Variants in PTPRG observed in about 807,000 individuals in gnomAD.
The protein encoded by PTPRG is protein tyrosine phosphatase receptor type G.
In PTPRG, 102 loss-of-function variants were observed where a neutral mutation model predicts 165.3. The observed-to-expected ratio is 0.62, with a 90% CI of 0.53 to 0.73. The LOEUF (loss-of-function observed/expected upper bound fraction) is 0.73. Among genes scored for constraint, PTPRG ranks in the 30% least tolerant of loss-of-function variants. PTPRG has a pLI of 0.00. For missense variants in PTPRG, 1,866 were observed against 1,861.4 expected (o/e 1.00, Z -0.05); for synonymous variants, 675 against 669.5 (o/e 1.01, Z -0.13).
intron 2 of PTPRG, among the ~76,000 whole-genome samples, chr3:61,767,121 G>T (rs2034046061): frequency 6.6e-6 from 1 of 151,500 alleles, no homozygotes; most frequent in African/African-American, 2.4e-5. Flanking sequence ...GTGCACGCCT[G>T]TAGTCCCAGC....
chr3:61,591,977 A>ATT (rs1344585519), intron 1 of PTPRG, among the ~76,000 whole-genome samples: 3 of 145,566 alleles, frequency 2.1e-5, no homozygotes, highest in African/African-American at 5.0e-5. Context: ...TGGAGTGCTA[A>ATT]TTTTTTTTTT....
chr3:61,696,283 C>A (rs530238573), intron 1 of PTPRG, among the ~76,000 whole-genome samples: 1 of 152,148 alleles, frequency 6.6e-6, no homozygotes, highest in African/African-American at 2.4e-5. Flanking sequence ...GCGTGGTTCG[C>A]CTGAGGCCAG....
intron 1 of PTPRG, among the ~76,000 whole-genome samples, chr3:61,747,888 T>C (rs2033273316): frequency 6.6e-6 from 1 of 152,164 alleles, no homozygotes; most frequent in South Asian, 2.1e-4. Context: ...GTAATTCCGT[T>C]TCATTTTGGA....
intron 1 of PTPRG, among the ~76,000 whole-genome samples, chr3:61,611,886 A>C (rs922369565): frequency 6.6e-6 from 1 of 152,248 alleles, no homozygotes; most frequent in Non-Finnish European, 1.5e-5. Context: ...CCTTCTTTAC[A>C]TGAGGACTAT....
chr3:62,185,867 T>G (rs1705859990), intron 8 of PTPRG, among the ~76,000 whole-genome samples: 1 of 152,198 alleles, frequency 6.6e-6, no homozygotes, highest in Non-Finnish European at 1.5e-5. Flanking sequence ...GTCATCCATT[T>G]TACAGATGCG....
At chr3:61,582,256 A>G (rs1700314801) in intron 1 of PTPRG, among the ~76,000 whole-genome samples, 2 of 152,186 alleles carry the variant, frequency 1.3e-5, no homozygotes, top group African/African-American at 2.4e-5. Flanking sequence ...GGTGTGAGCC[A>G]CTGCACCTGG....
chr3:62,027,968 ATT>A (rs1349306516), intron 4 of PTPRG, among the ~76,000 whole-genome samples: 5 of 152,154 alleles, frequency 3.3e-5, no homozygotes, highest in African/African-American at 1.2e-4. Flanking sequence ...GCAACTCGTG[ATT>A]ATTTATTCCT....
intron 2 of PTPRG, among the ~76,000 whole-genome samples, chr3:61,872,457 C>G (rs1211075728): frequency 2.0e-5 from 3 of 152,136 alleles, no homozygotes; most frequent in East Asian, 3.9e-4. Context: ...TGATCTTGGA[C>G]AAGTTACTTA....
Position 62,275,978 on chromosome 3 carries a change from A to G in PTPRG, c.3559+12A>G, listed in dbSNP as rs2148879875. On this transcript the variant is annotated intron_variant, in intron 24 of 29. Coordinates refer to ENST00000474889, the MANE Select transcript of PTPRG (RefSeq NM_002841.4). ...TTCAGTTGTGCCATGTAAGACTTTAAAACAGTTTGTTAGTGATCTTTTATA... is the reference window on the plus strand; with the variant it reads ...TTCAGTTGTGCCATGTAAGACTTTAGAACAGTTTGTTAGTGATCTTTTATA... 2.5e-6 allele frequency: 4 copies of G among 1,580,116 alleles called. No homozygotes were observed. In the South Asian group the frequency reaches 4.5e-5, roughly 18 times the overall value.
chr3:61,661,516 T>C (rs182763779), intron 1 of PTPRG, among the ~76,000 whole-genome samples: 1 of 152,306 alleles, frequency 6.6e-6, no homozygotes, highest in African/African-American at 2.4e-5. Context: ...TTTAGAATTA[T>C]AGCATCTTTA....
chr3:61,686,573 G>T (rs1446001953), intron 1 of PTPRG, among the ~76,000 whole-genome samples: 1 of 152,218 alleles, frequency 6.6e-6, no homozygotes, highest in Admixed American at 6.5e-5. Context: ...CTTGGCCACA[G>T]TGCAAAATGA....
At chr3:61,702,039 C>G (rs113067941) in intron 1 of PTPRG, among the ~76,000 whole-genome samples, 163 of 152,216 alleles carry the variant, frequency 1.1e-3, no homozygotes, top group Admixed American at 2.9e-3. Context: ...AGTGCAGTGG[C>G]GCGATCTCGG....
chr3:61,852,071 A>G (rs2036979007), intron 2 of PTPRG, among the ~76,000 whole-genome samples: 1 of 152,116 alleles, frequency 6.6e-6, no homozygotes, highest in Non-Finnish European at 1.5e-5. Context: ...TTTTTGGTTG[A>G]TGGTAAAATA....
At chr3:61,853,239 G>A (rs2037014886) in intron 2 of PTPRG, among the ~76,000 whole-genome samples, 1 of 152,198 alleles carries the variant, frequency 6.6e-6, no homozygotes, top group Admixed American at 6.5e-5. Flanking sequence ...GGTTCAGAAT[G>A]GCCCCCATAA....
At chr3:62,156,052 G>A (rs915297043) in intron 6 of PTPRG, among the ~76,000 whole-genome samples, 24 of 152,200 alleles carry the variant, frequency 1.6e-4, no homozygotes, top group African/African-American at 5.1e-4. Flanking sequence ...TCTGACTCAC[G>A]AAAGAAGCTA....
intron 1 of PTPRG, among the ~76,000 whole-genome samples, chr3:61,721,550 G>C (rs966831399): frequency 6.6e-6 from 1 of 152,182 alleles, no homozygotes; most frequent in Non-Finnish European, 1.5e-5. Flanking sequence ...CTGTAAGATG[G>C]AATATTATAC....
intron 26 of PTPRG, among the ~76,000 whole-genome samples, chr3:62,280,082 A>G (rs1702376072): frequency 6.6e-6 from 1 of 152,102 alleles, no homozygotes; most frequent in South Asian, 2.1e-4. Flanking sequence ...TAATCTTAAA[A>G]TGGATGAACA....
chr3:61,846,942 T>C lies in PTPRG; in HGVS notation c.190+97960T>C, dbSNP rs148092057. On this transcript the variant is annotated intron_variant, in intron 2 of 29. Coordinates refer to ENST00000474889, the MANE Select transcript of PTPRG (RefSeq NM_002841.4). ...AAAATAGAGAGAGAGGGACAATATTTTGCGACTGTGCTGTCTAGTACAGTA... is the reference window on the plus strand; with the variant it reads ...AAAATAGAGAGAGAGGGACAATATTCTGCGACTGTGCTGTCTAGTACAGTA... Among the ~76,000 whole-genome samples the C allele has an allele frequency of 3.6e-3, 546 of 152,142 alleles. 3 individuals are homozygous for C. Among genetic ancestry groups the C allele is most frequent in the African/African-American group, 0.013 (520 of 41,522 alleles).
intron 1 of PTPRG, among the ~76,000 whole-genome samples, chr3:61,687,856 T>C (rs1703685314): frequency 6.6e-6 from 1 of 152,174 alleles, no homozygotes; most frequent in South Asian, 2.1e-4. Flanking sequence ...GATTATGACT[T>C]TTTTTTGTTT....
Sources: allele counts gnomAD v4.1 joint callset (sites outside exome capture counted in the v4.1 genomes callset), GRCh38; gene constraint gnomAD v4.1.1; transcripts MANE v1.5; gene names NCBI Gene and HGNC (gene_info 2026-07-23, HGNC 2026-07-21).